Variants in ZNF705G observed in about 807,000 individuals in gnomAD.
ZNF705G encodes zinc finger protein 705G.
Under a neutral mutation model 19.6 loss-of-function variants are expected in ZNF705G, and 23 were observed. The observed-to-expected ratio is 1.17, with a 90% CI of 0.84 to 1.66. The LOEUF (loss-of-function observed/expected upper bound fraction) is 1.66, where lower values mean the gene tolerates loss of function less well. Among genes scored for constraint, ZNF705G ranks in the 40% most tolerant of loss-of-function variants. ZNF705G has a pLI of 0.00. For synonymous variants in ZNF705G, 146 were observed against 117.7 expected (o/e 1.24, Z -1.56); for missense variants, 457 against 354.4 (o/e 1.29, Z -2.32).
chr8:7,369,849 A>G (rs1807016641), intron 2 of ZNF705G, among the ~76,000 whole-genome samples: 1 of 149,192 alleles, frequency 6.7e-6, no homozygotes, highest in Admixed American at 6.6e-5. Flanking sequence ...TTACACATGG[A>G]CGTAAAGATC....
intron 6 of ZNF705G, among the ~76,000 whole-genome samples, chr8:7,358,917 C>T (rs1806432072): frequency 6.7e-6 from 1 of 149,438 alleles, no homozygotes; most frequent in South Asian, 2.1e-4. Context: ...TTTACAAGTG[C>T]AGTCATCCCC....
At chr8:7,361,036 A>C (rs1806562690) in intron 4 of ZNF705G, 74 bp downstream of exon 4, 1 of 1,590,368 alleles carries the variant, frequency 6.3e-7, no homozygotes, top group African/African-American at 1.4e-5. Flanking sequence ...AGATATGGGG[A>C]AGCTGTTTTA....
intron 2 of ZNF705G, among the ~76,000 whole-genome samples, chr8:7,364,836 A>G (rs1390908103): frequency 6.7e-6 from 1 of 149,610 alleles, no homozygotes; most frequent in Non-Finnish European, 1.5e-5. Flanking sequence ...CTGACAGTAC[A>G]TGTATTATGT....
Position 7,360,275 on chromosome 8 carries a change from C to T in ZNF705G, c.197G>A (p.Trp66Ter), listed in dbSNP as rs757815842. 3.1e-5 allele frequency: 50 copies of T among 1,591,550 alleles called. 1 individual carries two copies. Among genetic ancestry groups the T allele is most frequent in the South Asian group, 2.5e-4 (23 of 90,694 alleles). Residue 66 changes from tryptophan to a stop codon, truncating the protein, a stop_gained, in exon 5 of 7, where the codon TGG becomes TAG. Coordinates refer to ENST00000400156, the MANE Select transcript of ZNF705G (RefSeq NM_001164457.3). LOFTEE classifies it high-confidence loss of function. ...TTGAAGAAATACTCTTCCTTCCCTC[C>T]ACAGCTCTTTTCCTTGCTCCAGCTG... ...ILQLEQGKELWREGRVFLQDQ... is the reference protein window; with the variant it reads ...ILQLEQGKEL
At chr8:7,368,850 T>G (rs1349928057) in intron 2 of ZNF705G, among the ~76,000 whole-genome samples, 1 of 149,402 alleles carries the variant, frequency 6.7e-6, no homozygotes, top group Non-Finnish European at 1.5e-5. Context: ...GGCCACCGCT[T>G]TAGAGGGTGC....
intron 2 of ZNF705G, among the ~76,000 whole-genome samples, chr8:7,378,758 T>C (rs1293512722): frequency 1.4e-5 from 2 of 145,034 alleles, no homozygotes; most frequent in Admixed American, 1.3e-4. Flanking sequence ...CACTCTTCCA[T>C]TTTTTAGGAC....
intron 2 of ZNF705G, among the ~76,000 whole-genome samples, chr8:7,367,359 A>G (rs1806904037): frequency 6.7e-6 from 1 of 149,318 alleles, no homozygotes; most frequent in African/African-American, 2.6e-5. Flanking sequence ...CTGATGGTCT[A>G]CACCTGTTAA....
rs1585406859 is a variant in ZNF705G, at chr8:7,358,916, G to A, written c.319-356C>T. ...AAACTGATAACTTTTCTTTACAAGT[G>A]CAGTCATCCCCAGTTCACCAGGCAC... On this transcript the variant is annotated intron_variant, in intron 6 of 6. Transcript: ENST00000400156. 1.3e-5 allele frequency among the ~76,000 whole-genome samples: 2 copies of A among 149,394 alleles called. 1 individual carries two copies. Among genetic ancestry groups the A allele is most frequent in the South Asian group, 4.2e-4 (2 of 4,766 alleles).
intron 1 of ZNF705G, among the ~76,000 whole-genome samples, chr8:7,382,730 A>G (rs1396304598): frequency 6.8e-6 from 1 of 146,696 alleles, no homozygotes; most frequent in Admixed American, 6.6e-5. Context: ...CACTGACATT[A>G]CCTTATTTCA....
intron 1 of ZNF705G, among the ~76,000 whole-genome samples, chr8:7,382,930 C>T (rs1807563632): frequency 6.8e-6 from 1 of 147,278 alleles, no homozygotes; most frequent in Non-Finnish European, 1.5e-5. Context: ...GTTTTGTATT[C>T]CTAGCCCTGC....
chr8:7,365,841 T>G (rs1255988097), intron 2 of ZNF705G, among the ~76,000 whole-genome samples: 1 of 149,644 alleles, frequency 6.7e-6, no homozygotes, highest in East Asian at 1.9e-4. Flanking sequence ...AGGTCTTAAG[T>G]TCCTGGACAA....
At position 7,380,609 on chromosome 8, in the gene ZNF705G, T is replaced by A. The variant is rs1455513413; in HGVS notation, c.-72+843A>T. ...TCATGTTGCCATGACTGTTGGTGTCTGCACATGCCATCTGGGGTCACGAGA... is the reference window on the plus strand; with the variant it reads ...TCATGTTGCCATGACTGTTGGTGTCAGCACATGCCATCTGGGGTCACGAGA... On this transcript the variant is annotated intron_variant, in intron 2 of 6. Transcript: ENST00000400156. Among the ~76,000 whole-genome samples the A allele has an allele frequency of 4.8e-5, 7 of 146,914 alleles. 2 individuals are homozygous for A. The highest frequency in any genetic ancestry group is 1.4e-4 in the African/African-American group (5 of 36,502).
intron 2 of ZNF705G, among the ~76,000 whole-genome samples, chr8:7,366,614 T>C (rs1259261372): frequency 6.7e-6 from 1 of 149,666 alleles, no homozygotes; most frequent in Non-Finnish European, 1.5e-5. Flanking sequence ...AAAGTACCAA[T>C]ACAATAAAGC....
rs369457925 is a variant in ZNF705G at position 7,359,700 on chromosome 8, G to T, written c.237C>A (p.Asn79Lys). Residue 79 changes from asparagine to lysine, a missense_variant and splice_region_variant, in exon 6 of 7, where the codon AAC (asparagine) becomes AAA (lysine). By Grantham distance (94) the Asn-to-Lys change is moderately conservative. Transcript: ENST00000400156. ...GRVFLQDQNP[N>K]RESALKKTHM... ...GTGTTTTCTTAAGGGCACTTTCCCT[G>T]TCTGAAATAATTGAAAAATAAATTG... 5 of 1,606,538 alleles carry T rather than the reference G, an allele frequency of 3.1e-6. 2 individuals are homozygous for T. The African/African-American group carries it at 7.1e-5, about 23-fold the overall frequency.
intron 2 of ZNF705G, among the ~76,000 whole-genome samples, chr8:7,380,820 G>A (rs1447781528): frequency 6.9e-6 from 1 of 144,400 alleles, no homozygotes; most frequent in Non-Finnish European, 1.5e-5. Context: ...GGGAGTTCAA[G>A]ACCAGCCTGA....
At chr8:7,364,629 G>A in intron 2 of ZNF705G, among the ~76,000 whole-genome samples, 1 of 149,330 alleles carries the variant, frequency 6.7e-6, no homozygotes, top group Non-Finnish European at 1.5e-5. Flanking sequence ...ATGATTCTGG[G>A]GACTCCAGTA....
rs397713237 is a variant in ZNF705G, at chr8:7,370,053, T to TA, written c.-71-7037dup. 1.8e-4 allele frequency among the ~76,000 whole-genome samples: 27 copies of TA among 147,876 alleles called. 1 individual carries two copies. The highest frequency in any genetic ancestry group is 7.8e-4 in the East Asian group (4 of 5,142). On this transcript the variant is annotated intron_variant, in intron 2 of 6. Coordinates refer to ENST00000400156, the MANE Select transcript of ZNF705G (RefSeq NM_001164457.3). ...CTAAAATAAAAGTTGAATTTTTTTT[T>TA]AAAATGGGCAAAGATCTGGCTAACA...
intron 2 of ZNF705G, among the ~76,000 whole-genome samples, chr8:7,380,247 A>G (rs9720206): frequency 2.1e-5 from 3 of 144,706 alleles, no homozygotes; most frequent in African/African-American, 2.9e-5. Context: ...CACCTGCCTG[A>G]GCACTATTCC....
In ZNF705G at chr8:7,371,206, C is replaced by T. The variant is rs535646849; in HGVS notation, c.-71-8189G>A. On this transcript the variant is annotated intron_variant, in intron 2 of 6. Transcript: ENST00000400156. ...AGGGCATTAGGTTATATGAAATAGG[C>T]CAACCACAGAATGACAATTACTATA... Among the ~76,000 whole-genome samples the T allele has an allele frequency of 3.4e-4, 40 of 118,510 alleles. No individual in the cohort carries two copies. In the East Asian group the frequency reaches 9.6e-3, roughly 28 times the overall value. The allele number at this position is 118,510 out of a possible 152,430, so 77.7% of individuals were successfully genotyped here.
Sources: allele counts gnomAD v4.1 joint callset (sites outside exome capture counted in the v4.1 genomes callset), GRCh38; gene constraint gnomAD v4.1.1; transcripts MANE v1.5; gene names NCBI Gene and HGNC (gene_info 2026-07-23, HGNC 2026-07-21).